SEMA6D: variants seen among roughly 807,000 people sequenced by gnomAD.
SEMA6D encodes semaphorin 6D.
Under a neutral mutation model 106.6 loss-of-function variants are expected in SEMA6D, and 35 were observed. That is an observed-to-expected ratio of 0.33 (90% CI 0.25 to 0.44). The LOEUF is 0.44. Ranked by LOEUF, SEMA6D falls within the 20% of genes least tolerant of loss-of-function variation. SEMA6D has a pLI of 1.00. For synonymous variants in SEMA6D, 499 were observed against 487.7 expected (o/e 1.02, Z -0.31); for missense variants, 1,185 against 1,345.9 (o/e 0.88, Z 1.87).
intron 1 of SEMA6D, among the ~76,000 whole-genome samples, chr15:47,400,314 C>T (rs1225811371): frequency 2.6e-5 from 4 of 151,914 alleles, no homozygotes; most frequent in Admixed American, 1.3e-4. Flanking sequence ...ACAGGACAAA[C>T]TCCCTTGTCT....
At chr15:47,290,559 T>C (rs1402652681) in intron 1 of SEMA6D, among the ~76,000 whole-genome samples, 2 of 152,076 alleles carry the variant, frequency 1.3e-5, no homozygotes, top group Admixed American at 6.5e-5. Context: ...TTTATATATA[T>C]GTATATCACC....
Position 47,767,098 on chromosome 15 carries a change from GT to G in SEMA6D, c.1765+13del. 33 of 1,555,754 alleles carry G rather than the reference GT, an allele frequency of 2.1e-5. No homozygotes were observed. Among genetic ancestry groups the G allele is most frequent in the South Asian group, 3.7e-5 (3 of 82,004 alleles). ...TATTTGGCGGTCCAACATCTGGTTA[GT>G]TTTTTTTAATTTTTTTGAATTAACA... On this transcript the variant is annotated splice_donor_region_variant and intron_variant, in intron 17 of 18. Transcript: ENST00000536845.
rs2082676818 is a variant in SEMA6D, at chr15:47,772,539, T to C, written c.*754T>C. ...TTTGAAAGAGGAATAGAATCGAGGC[T>C]CCTTTGACCATCAAAATGATGAACT... is the stretch of plus-strand genomic sequence containing the variant. On this transcript the variant is annotated 3_prime_UTR_variant, in exon 19 of 19. Coordinates refer to ENST00000536845, the MANE Select transcript of SEMA6D (RefSeq NM_001358351.3). 6.6e-6 allele frequency: 1 copy of C among 152,518 alleles called. No homozygotes were observed. The highest frequency in any genetic ancestry group is 1.5e-5 in the Non-Finnish European group (1 of 68,028). The allele number at this position is 152,518 out of a possible 1,614,324, so 9.4% of individuals were successfully genotyped here.
chr15:47,668,323 G>T (rs564757921), intron 4 of SEMA6D, among the ~76,000 whole-genome samples: 2 of 152,230 alleles, frequency 1.3e-5, no homozygotes, highest in East Asian at 3.9e-4. Context: ...ATCTAACACT[G>T]GAAAACATTA....
chr15:47,738,552 T>C (rs1200073451), intron 1 of SEMA6D, among the ~76,000 whole-genome samples: 1 of 152,194 alleles, frequency 6.6e-6, no homozygotes, highest in Non-Finnish European at 1.5e-5. Context: ...ACTAGGGAAT[T>C]GTCATAACAT....
At chr15:47,374,417 AG>A (rs1187721813) in intron 1 of SEMA6D, among the ~76,000 whole-genome samples, 1 of 152,082 alleles carries the variant, frequency 6.6e-6, no homozygotes, top group African/African-American at 2.4e-5. Context: ...TCCATTCGTT[AG>A]GGGGAGCTGT....
rs2076432290 is a variant in SEMA6D at position 47,591,198 on chromosome 15, C to T, written c.-86-9667C>T. Among the ~76,000 whole-genome samples the T allele has an allele frequency of 2.0e-5, 3 of 152,300 alleles. No individual in the cohort carries two copies. The South Asian group carries it at 6.2e-4, about 32-fold the overall frequency. On this transcript the variant is annotated intron_variant, in intron 3 of 19. Transcript: ENST00000558014. ...GGAAAGCAAGGGCAAAAGCAACTAA[C>T]AGACTCCCTCTTGTTCTTTTATTAT...
intron 2 of SEMA6D, among the ~76,000 whole-genome samples, chr15:47,421,199 A>G (rs959640572): frequency 1.3e-5 from 2 of 152,060 alleles, no homozygotes; most frequent in African/African-American, 4.8e-5. Context: ...TCCCCTTGTT[A>G]TACTCCTCAT....
At chr15:47,477,948 A>G (rs1432601941) in intron 3 of SEMA6D, among the ~76,000 whole-genome samples, 2 of 152,188 alleles carry the variant, frequency 1.3e-5, no homozygotes, top group Admixed American at 6.6e-5. Context: ...CATTTACTGT[A>G]GCTTGAAGTT....
intron 1 of SEMA6D, among the ~76,000 whole-genome samples, chr15:47,755,721 TG>T (rs1017675799): frequency 3.0e-4 from 45 of 152,032 alleles, no homozygotes; most frequent in Non-Finnish European, 7.4e-5. Flanking sequence ...TCCTTCTTGG[TG>T]GGACCTAAAC....
chr15:47,184,493 C>T (rs1342800291), intron 1 of SEMA6D: 1 of 152,200 alleles, frequency 6.6e-6, no homozygotes, highest in African/African-American at 2.4e-5. Context: ...GAGCTGCTGA[C>T]GGAGGTTCTG....
rs192219001 is a variant in SEMA6D, at chr15:47,297,826, G to A, written c.-239+113408G>A. On this transcript the variant is annotated intron_variant, in intron 1 of 19. Transcript: ENST00000558014. ...TCATTTAAGGTGAATACAAGGAGCC[G>A]GGGATGGGGCAATGGGGTGATAGTT... 4.1e-4 allele frequency among the ~76,000 whole-genome samples: 62 copies of A among 152,232 alleles called. No homozygotes were observed. In the East Asian group the frequency reaches 0.011, roughly 27 times the overall value.
At chr15:47,446,915 T>C (rs1432336469) in intron 2 of SEMA6D, among the ~76,000 whole-genome samples, 1 of 152,114 alleles carries the variant, frequency 6.6e-6, no homozygotes, top group Non-Finnish European at 1.5e-5. Flanking sequence ...TAAAATGTAT[T>C]TCTCCTCTTA....
chr15:47,681,832 A>G (rs1027422510), intron 4 of SEMA6D, among the ~76,000 whole-genome samples: 1 of 152,236 alleles, frequency 6.6e-6, no homozygotes, highest in African/African-American at 2.4e-5. Flanking sequence ...CGTAAATTGT[A>G]TAACTGCTTC....
At chr15:47,226,601 A>G (rs1440531403) in intron 1 of SEMA6D, among the ~76,000 whole-genome samples, 1 of 152,102 alleles carries the variant, frequency 6.6e-6, no homozygotes, top group African/African-American at 2.4e-5. Context: ...GCTGCAGTGG[A>G]TGAGTCAATG....
intron 1 of SEMA6D, among the ~76,000 whole-genome samples, chr15:47,238,805 G>A (rs551148808): frequency 1.2e-4 from 18 of 152,122 alleles, no homozygotes; most frequent in Admixed American, 3.9e-4. Flanking sequence ...GTCATCTGAA[G>A]AATCAAGATG....
At chr15:47,760,445 T>G (rs1223616779) in intron 3 of SEMA6D, 30 bp downstream of exon 3, 1 of 1,535,856 alleles carries the variant, frequency 6.5e-7, no homozygotes, top group South Asian at 1.1e-5. Flanking sequence ...TTTATTAGAT[T>G]AAAATTCTTT....
At chr15:47,450,510 G>A (rs2042158627) in intron 2 of SEMA6D, among the ~76,000 whole-genome samples, 1 of 152,074 alleles carries the variant, frequency 6.6e-6, no homozygotes, top group Non-Finnish European at 1.5e-5. Context: ...AAGGAGGTGG[G>A]CTTTCTTCTC....
intron 3 of SEMA6D, among the ~76,000 whole-genome samples, chr15:47,554,192 G>T (rs1390829672): frequency 6.6e-6 from 1 of 152,182 alleles, no homozygotes; most frequent in African/African-American, 2.4e-5. Context: ...TGTGTAGTAT[G>T]GGCAGGATCT....
Sources: allele counts gnomAD v4.1 joint callset (sites outside exome capture counted in the v4.1 genomes callset), GRCh38; gene constraint gnomAD v4.1.1; transcripts MANE v1.5; gene names NCBI Gene and HGNC (gene_info 2026-07-23, HGNC 2026-07-21).